SLC9D1: variants seen among roughly 807,000 people sequenced by gnomAD.
SLC9D1 encodes the protein solute carrier family 9 member D1.
the SLC9D1 span, among the ~76,000 whole-genome samples, chr13:113,497,847 C>T: frequency 6.6e-6 from 1 of 152,206 alleles, no homozygotes; most frequent in East Asian, 1.9e-4. Context: ...AAATACATTA[C>T]TAAATTATAT....
At chr13:113,537,898 T>C in the SLC9D1 span, among the ~76,000 whole-genome samples, 4 of 152,184 alleles carry the variant, frequency 2.6e-5, no homozygotes, top group East Asian at 1.9e-4. Flanking sequence ...CGTGTGTGTG[T>C]GCGTGCATGT....
chr13:113,499,835 T>C, the SLC9D1 span: 1 of 500,644 alleles, frequency 2.0e-6, no homozygotes, highest in Non-Finnish European at 3.3e-6. Flanking sequence ...GAAAAAGAAG[T>C]CCTAATTCAC....
the SLC9D1 span, among the ~76,000 whole-genome samples, chr13:113,525,923 G>A: frequency 6.6e-6 from 1 of 152,150 alleles, no homozygotes; most frequent in Admixed American, 6.5e-5. Flanking sequence ...CGTCGTAGGA[G>A]ACGACAGCTC....
chr13:113,507,293 C>G, the SLC9D1 span, among the ~76,000 whole-genome samples: 22 of 152,036 alleles, frequency 1.4e-4, no homozygotes, highest in African/African-American at 5.3e-4. Flanking sequence ...CTGTATCCAC[C>G]CAGAAAACGA....
At chr13:113,534,660 G>T in the SLC9D1 span, 1 of 199,956 alleles carries the variant, frequency 5.0e-6, no homozygotes, top group Non-Finnish European at 1.0e-5. Flanking sequence ...GCGTGGTCGC[G>T]CTCATGTATA....
At chr13:113,502,852 C>G in the SLC9D1 span, among the ~76,000 whole-genome samples, 324 of 152,256 alleles carry the variant, frequency 2.1e-3, 1 homozygote, top group African/African-American at 7.4e-3. Flanking sequence ...TTCTCCAGAT[C>G]GCAGGGCGGC....
the SLC9D1 span, chr13:113,504,932 G>A: frequency 6.6e-6 from 1 of 152,216 alleles, no homozygotes; most frequent in South Asian, 2.1e-4. Flanking sequence ...CACCAGCAGT[G>A]CAGAAGTGTT....
the SLC9D1 span, among the ~76,000 whole-genome samples, chr13:113,514,908 G>A: frequency 6.6e-6 from 1 of 152,166 alleles, no homozygotes; most frequent in African/African-American, 2.4e-5. Flanking sequence ...TGTAGAGATG[G>A]AGGTCTTGCT....
At chr13:113,509,943 G>A in the SLC9D1 span, among the ~76,000 whole-genome samples, 2 of 152,294 alleles carry the variant, frequency 1.3e-5, no homozygotes, top group South Asian at 4.1e-4. Context: ...GTTTTCATCT[G>A]AAAGTGGGGA....
chr13:113,513,500 T>G, the SLC9D1 span, among the ~76,000 whole-genome samples: 4 of 152,022 alleles, frequency 2.6e-5, no homozygotes, highest in Non-Finnish European at 5.9e-5. Flanking sequence ...AGTAAGAAGA[T>G]AGGAGGGTTG....
chr13:113,538,305 CGT>C, the SLC9D1 span, among the ~76,000 whole-genome samples: 8 of 151,532 alleles, frequency 5.3e-5, no homozygotes, highest in African/African-American at 9.7e-5. Context: ...GGCACATGTG[CGT>C]GTGTGTGTGT....
chr13:113,541,716 C>T, the SLC9D1 span, among the ~76,000 whole-genome samples: 7 of 22,232 alleles, frequency 3.1e-4, no homozygotes, highest in Admixed American at 5.0e-4. Context: ...GCTTTATTAC[C>T]GCCGAGATGT....
chr13:113,498,830 ATGCTGATCTACTGGGG>A, the SLC9D1 span, among the ~76,000 whole-genome samples: 1 of 152,214 alleles, frequency 6.6e-6, no homozygotes, highest in African/African-American at 2.4e-5. Flanking sequence ...GTTGGGTTTA[ATGCTGATCTACTGGGG>A]TGTTACCAGA....
At chr13:113,495,588 G>A in the SLC9D1 span, 7 of 1,537,872 alleles carry the variant, frequency 4.6e-6, no homozygotes, top group Middle Eastern at 1.8e-4. Context: ...GATCATGAAG[G>A]TGTTGGGAAG....
the SLC9D1 span, among the ~76,000 whole-genome samples, chr13:113,538,718 C>T: frequency 3.3e-5 from 5 of 152,254 alleles, no homozygotes; most frequent in South Asian, 2.1e-4. Context: ...ATGCTGCTAT[C>T]GTCTACAGTT....
At chr13:113,525,320 TGTG>T in the SLC9D1 span, among the ~76,000 whole-genome samples, 3 of 152,188 alleles carry the variant, frequency 2.0e-5, no homozygotes, top group Non-Finnish European at 2.9e-5. Flanking sequence ...CCCCCATGCT[TGTG>T]GTGATGCTGG....
chr13:113,506,311 G>A, the SLC9D1 span, among the ~76,000 whole-genome samples: 1 of 105,732 alleles, frequency 9.5e-6, no homozygotes, highest in South Asian at 2.9e-4. Flanking sequence ...TGTGGAGGAA[G>A]AGGCTGTTAT....
the SLC9D1 span, chr13:113,504,049 C>T: frequency 1.3e-5 from 2 of 155,452 alleles, no homozygotes; most frequent in African/African-American, 4.8e-5. Flanking sequence ...GTAAAATGAA[C>T]ACTGTTCATA....
At chr13:113,502,936 C>T in the SLC9D1 span, among the ~76,000 whole-genome samples, 10,121 of 152,294 alleles carry the variant, frequency 0.066, 385 homozygotes, top group Non-Finnish European at 0.078. Flanking sequence ...TGGGGAGCGG[C>T]TGGCCGGCAG....
Sources: allele counts gnomAD v4.1 joint callset (sites outside exome capture counted in the v4.1 genomes callset), GRCh38; gene constraint gnomAD v4.1.1; transcripts MANE v1.5; gene names NCBI Gene and HGNC (gene_info 2026-07-23, HGNC 2026-07-21).